The following CENPP variants were observed in gnomAD, a reference collection of about 807,000 sequenced individuals.
The protein encoded by CENPP is centromere protein P.
Under a neutral mutation model 35.6 loss-of-function variants are expected in CENPP, and 24 were observed. The ratio of observed to expected loss-of-function variants is 0.67; its 90% CI spans 0.49 to 0.95. The LOEUF (loss-of-function observed/expected upper bound fraction) is 0.95. Ranked by LOEUF, CENPP falls within the 40% of genes least tolerant of loss-of-function variation. The probability of loss-of-function intolerance (pLI) is 0.00; values close to 1 mark genes in which losing one functional copy is unlikely to be tolerated. For synonymous variants in CENPP, 120 were observed against 125.5 expected (o/e 0.96, Z 0.29); for missense variants, 332 against 345.3 (o/e 0.96, Z 0.31).
chr9:92,385,375 A>G, intron 5 of CENPP: 1 of 383,808 alleles, frequency 2.6e-6, no homozygotes, highest in Non-Finnish European at 4.6e-6. Context: ...ATGGTAGTCT[A>G]GTATAAACTA....
chr9:92,546,904 G>A (rs1026635196), intron 5 of CENPP, among the ~76,000 whole-genome samples: 2 of 152,094 alleles, frequency 1.3e-5, no homozygotes, highest in Non-Finnish European at 2.9e-5. Flanking sequence ...AGATACCACA[G>A]GTCTCTATAT....
At chr9:92,548,373 A>G (rs1174795993) in intron 5 of CENPP, among the ~76,000 whole-genome samples, 1 of 152,226 alleles carries the variant, frequency 6.6e-6, no homozygotes, top group Non-Finnish European at 1.5e-5. Context: ...ATTTCAGCTC[A>G]GCAAAGGGAA....
intron 5 of CENPP, among the ~76,000 whole-genome samples, chr9:92,589,930 TA>T (rs1850629514): frequency 6.6e-6 from 1 of 152,212 alleles, no homozygotes; most frequent in Non-Finnish European, 1.5e-5. Flanking sequence ...TTATTATGTT[TA>T]AAATATTGTA....
At chr9:92,492,651 G>T (rs1305169737) in intron 5 of CENPP, among the ~76,000 whole-genome samples, 2 of 152,168 alleles carry the variant, frequency 1.3e-5, no homozygotes, top group Non-Finnish European at 2.9e-5. Flanking sequence ...CCCTCCGGTT[G>T]AGCATCAGCC....
chr9:92,415,229 C>A (rs2130954980), intron 5 of CENPP: 1 of 1,613,802 alleles, frequency 6.2e-7, no homozygotes, highest in Non-Finnish European at 8.5e-7. Context: ...TGAGCATTGT[C>A]AGGATCATCG....
chr9:92,505,583 C>T, intron 5 of CENPP: 1 of 1,608,016 alleles, frequency 6.2e-7, no homozygotes, highest in Non-Finnish European at 8.5e-7. Flanking sequence ...TTATTTTTTC[C>T]CAGACGCAAG....
chr9:92,516,839 C>A (rs1263400407), intron 5 of CENPP: 3 of 152,154 alleles, frequency 2.0e-5, no homozygotes, highest in Non-Finnish European at 4.4e-5. Context: ...TCTAAATAGT[C>A]AAAAGTTTTT....
chr9:92,598,134 T>C (rs191781816), intron 5 of CENPP, among the ~76,000 whole-genome samples: 2 of 152,244 alleles, frequency 1.3e-5, no homozygotes, highest in East Asian at 3.9e-4. Flanking sequence ...TCCCAAAAAG[T>C]GCTAAGGTTT....
In CENPP at chr9:92,357,719, G is replaced by A. The variant is rs530781788; in HGVS notation, c.467+11932G>A. ...CTCCATGTTGGTTAGGCTTATCTCC[G>A]ATTCCCGACCTCAGGTGATCCTGCC... On this transcript the variant is annotated intron_variant, in intron 4 of 7. Coordinates refer to ENST00000375587, the MANE Select transcript of CENPP (RefSeq NM_001012267.3). 2.0e-4 allele frequency among the ~76,000 whole-genome samples: 31 copies of A among 151,898 alleles called. No homozygotes were observed. The East Asian group carries it at 5.8e-3, about 28-fold the overall frequency.
intron 5 of CENPP, among the ~76,000 whole-genome samples, chr9:92,589,700 CT>C (rs1850624053): frequency 6.6e-6 from 1 of 152,154 alleles, no homozygotes; most frequent in Admixed American, 6.5e-5. Flanking sequence ...AAGTGATTCT[CT>C]TATGCGTTTA....
intron 5 of CENPP, among the ~76,000 whole-genome samples, chr9:92,610,345 C>T (rs1289593210): frequency 6.6e-6 from 1 of 152,154 alleles, no homozygotes; most frequent in Admixed American, 6.5e-5. Flanking sequence ...TGAGCCACTG[C>T]ACCTGGCCCA....
At chr9:92,502,801 TG>T in intron 5 of CENPP, 7 of 642,622 alleles carry the variant, frequency 1.1e-5, no homozygotes, top group South Asian at 2.7e-5. Flanking sequence ...ATTTTTAAGT[TG>T]TCTTTTTTTT....
intron 4 of CENPP, among the ~76,000 whole-genome samples, chr9:92,369,546 A>C (rs961976524): frequency 6.6e-6 from 1 of 152,250 alleles, no homozygotes; most frequent in Admixed American, 6.5e-5. Flanking sequence ...CTAGGATTGC[A>C]CTGAATTGGT....
intron 5 of CENPP, among the ~76,000 whole-genome samples, chr9:92,453,481 C>T (rs1346411291): frequency 1.3e-5 from 2 of 152,106 alleles, no homozygotes; most frequent in Admixed American, 6.6e-5. Flanking sequence ...GTTATAATTT[C>T]TGTTCTTTTA....
At chr9:92,532,154 C>A (rs1848838507) in intron 5 of CENPP, among the ~76,000 whole-genome samples, 1 of 151,232 alleles carries the variant, frequency 6.6e-6, no homozygotes, top group Middle Eastern at 3.4e-3. Context: ...AACTACCACA[C>A]CCGGCTCGAA....
chr9:92,512,809 A>G (rs1350432049), intron 5 of CENPP, among the ~76,000 whole-genome samples: 2 of 152,226 alleles, frequency 1.3e-5, no homozygotes, highest in African/African-American at 4.8e-5. Flanking sequence ...AAACCATAAC[A>G]GTGTAGCTCA....
intron 4 of CENPP, among the ~76,000 whole-genome samples, chr9:92,356,671 A>C (rs555035060): frequency 3.0e-4 from 45 of 152,338 alleles, no homozygotes; most frequent in Non-Finnish European, 5.7e-4. Context: ...ATTTATGTTC[A>C]GAGATTAAAG....
chr9:92,454,928 T>G (rs1304074487), intron 5 of CENPP, among the ~76,000 whole-genome samples: 2 of 152,184 alleles, frequency 1.3e-5, no homozygotes, highest in Admixed American at 1.3e-4. Flanking sequence ...CCTCTTTTTT[T>G]GCTCAAAAAA....
intron 5 of CENPP, among the ~76,000 whole-genome samples, chr9:92,437,277 T>A (rs909931021): frequency 6.6e-5 from 10 of 152,348 alleles, no homozygotes; most frequent in African/African-American, 1.4e-4. Context: ...TGCCTTTTTT[T>A]AATTGGGTTT....
Sources: allele counts gnomAD v4.1 joint callset (sites outside exome capture counted in the v4.1 genomes callset), GRCh38; gene constraint gnomAD v4.1.1; transcripts MANE v1.5; gene names NCBI Gene and HGNC (gene_info 2026-07-23, HGNC 2026-07-21).